Variants in CNOT2 observed in about 807,000 individuals in gnomAD.
CNOT2 encodes the protein CCR4-NOT transcription complex subunit 2.
CNOT2 carries 7 observed loss-of-function variants against 72.1 expected under a neutral mutation model. The ratio of observed to expected loss-of-function variants is 0.10; its 90% CI spans 0.06 to 0.18. The LOEUF is 0.18. Ranked by LOEUF, CNOT2 falls within the 10% of genes least tolerant of loss-of-function variation. CNOT2 has a pLI of 1.00. For missense variants in CNOT2, 345 were observed against 660.3 expected (o/e 0.52, Z 5.23); for synonymous variants, 196 against 225.6 (o/e 0.87, Z 1.17).
intron 2 of CNOT2, among the ~76,000 whole-genome samples, chr12:70,293,400 C>A (rs973375378): frequency 1.3e-5 from 2 of 152,176 alleles, no homozygotes; most frequent in African/African-American, 4.8e-5. Flanking sequence ...CTCAGGTGAT[C>A]TGCCCGCCTC....
chr12:70,274,199 C>G (rs1289723898), intron 1 of CNOT2, among the ~76,000 whole-genome samples: 1 of 151,832 alleles, frequency 6.6e-6, no homozygotes, highest in Non-Finnish European at 1.5e-5. Context: ...TTTAAAACAT[C>G]CATGTGATCA....
Position 70,342,340 on chromosome 12 carries a change from A to C in CNOT2, c.1290+33A>C, listed in dbSNP as rs755703977. The C allele has an allele frequency of 1.5e-5, 24 of 1,606,552 alleles. 1 individual carries two copies. The South Asian group carries it at 2.7e-4, about 18-fold the overall frequency. On this transcript the variant is annotated intron_variant, in intron 13 of 15. Coordinates refer to ENST00000229195, the MANE Select transcript of CNOT2 (RefSeq NM_014515.7). ...TAGTTTATTATTCTACTCAGTCAGCATGAATTTATCTATTTTTCACATGTT... is the reference window on the plus strand; with the variant it reads ...TAGTTTATTATTCTACTCAGTCAGCCTGAATTTATCTATTTTTCACATGTT...
rs977013810 is a variant in CNOT2 at position 70,342,768 on chromosome 12, C to T, written c.1290+461C>T. ...TATTAACAACAGATTACAGCTTAAT[C>T]TCTCTTTTTTCAATCTAAGAAAGAA... is the stretch of plus-strand genomic sequence containing the variant. On this transcript the variant is annotated intron_variant, in intron 13 of 15. Coordinates refer to ENST00000229195, the MANE Select transcript of CNOT2 (RefSeq NM_014515.7). Among the ~76,000 whole-genome samples the T allele has an allele frequency of 2.6e-5, 4 of 152,156 alleles. No individual in the cohort carries two copies. In the South Asian group the frequency reaches 8.3e-4, roughly 32 times the overall value.
At chr12:70,344,834 CTA>C (rs1881963294) in intron 14 of CNOT2, 1 of 152,168 alleles carries the variant, frequency 6.6e-6, no homozygotes, top group Non-Finnish European at 1.5e-5. Flanking sequence ...ATATTCATGA[CTA>C]TGTTTTTTAT....
chr12:70,329,180 A>G (rs1205649106), intron 4 of CNOT2, among the ~76,000 whole-genome samples: 2 of 152,020 alleles, frequency 1.3e-5, no homozygotes, highest in Non-Finnish European at 2.9e-5. Flanking sequence ...CATACTTCAT[A>G]ATGAAATTGA....
At position 70,311,115 on chromosome 12, in the gene CNOT2, G is replaced by T. The variant is rs780642158; in HGVS notation, c.171+98G>T. ...CAAGTGCAGAATACTGTCTGTGGTT[G>T]AGTGACAATCTTTTCAGCACAGTGC... is the stretch of plus-strand genomic sequence containing the variant. On this transcript the variant is annotated intron_variant, in intron 3 of 15. Transcript: ENST00000229195. The T allele has an allele frequency of 3.7e-6, 3 of 813,086 alleles. No individual in the cohort carries two copies. In the African/African-American group the frequency reaches 5.1e-5, roughly 14 times the overall value. The allele number at this position is 813,086 out of a possible 1,614,324, so 50.4% of individuals were successfully genotyped here.
intron 2 of CNOT2, among the ~76,000 whole-genome samples, chr12:70,298,544 A>G (rs1490240663): frequency 6.6e-6 from 1 of 152,198 alleles, no homozygotes; most frequent in Non-Finnish European, 1.5e-5. Flanking sequence ...CGTTATCTTG[A>G]TAATTACATA....
chr12:70,345,833 A>G, intron 14 of CNOT2: 1 of 172,820 alleles, frequency 5.8e-6, no homozygotes, highest in Non-Finnish European at 1.2e-5. Flanking sequence ...AAGAAGAGCA[A>G]GAAAGGAGTG....
At chr12:70,345,155 T>C (rs1392813877) in intron 14 of CNOT2, 1 of 152,216 alleles carries the variant, frequency 6.6e-6, no homozygotes, top group Non-Finnish European at 1.5e-5. Flanking sequence ...ATGTTTACTA[T>C]AGAGTAAACT....
At chr12:70,310,440 G>T (rs538586890) in intron 2 of CNOT2, among the ~76,000 whole-genome samples, 1 of 151,860 alleles carries the variant, frequency 6.6e-6, no homozygotes. Context: ...TTCAAAAAAC[G>T]GTATATTTCA....
intron 2 of CNOT2, among the ~76,000 whole-genome samples, chr12:70,304,781 A>G (rs1874902954): frequency 6.6e-6 from 1 of 152,226 alleles, no homozygotes; most frequent in Admixed American, 6.5e-5. Context: ...GGTGGAGCCT[A>G]CAGAGGCAGG....
chr12:70,335,380 A>G, intron 7 of CNOT2, 58 bp from the exon 8 acceptor site: 1 of 1,315,612 alleles, frequency 7.6e-7, no homozygotes, highest in Non-Finnish European at 1.1e-6. Flanking sequence ...GTTGGTTTTT[A>G]TAATCTCTTA....
At chr12:70,260,943 A>G (rs1005713773) in intron 1 of CNOT2, among the ~76,000 whole-genome samples, 8 of 150,418 alleles carry the variant, frequency 5.3e-5, no homozygotes, top group South Asian at 2.1e-4. Context: ...ACAACCTTGT[A>G]TTATCTCTGA....
At chr12:70,337,693 A>T in intron 9 of CNOT2, 180 bp downstream of exon 9, 8 of 699,194 alleles carry the variant, frequency 1.1e-5, no homozygotes, top group Admixed American at 9.5e-5. Context: ...TTTTTTTCCT[A>T]TTTCATATAG....
At chr12:70,268,299 C>G (rs990434478) in intron 1 of CNOT2, among the ~76,000 whole-genome samples, 3 of 152,138 alleles carry the variant, frequency 2.0e-5, no homozygotes, top group African/African-American at 7.2e-5. Context: ...CAACTGCCTT[C>G]TTTAGGTGGT....
chr12:70,326,764 A>G (rs895060257), intron 4 of CNOT2, among the ~76,000 whole-genome samples: 6 of 151,876 alleles, frequency 4.0e-5, no homozygotes, highest in African/African-American at 1.4e-4. Flanking sequence ...TTGAAGTGAT[A>G]TATTCTTTTT....
chr12:70,256,487 C>T (rs1958446241), intron 1 of CNOT2, among the ~76,000 whole-genome samples: 2 of 147,184 alleles, frequency 1.4e-5, no homozygotes, highest in Non-Finnish European at 3.0e-5. Context: ...TGTATTATTA[C>T]AGCATACCAA....
At chr12:70,295,851 A>G (rs1037282716) in intron 2 of CNOT2, among the ~76,000 whole-genome samples, 26 of 152,214 alleles carry the variant, frequency 1.7e-4, no homozygotes, top group African/African-American at 6.3e-4. Flanking sequence ...ATGTGAATCT[A>G]TATAAAGCAT....
chr12:70,249,931 G>A (rs1271666257), intron 1 of CNOT2, among the ~76,000 whole-genome samples: 1 of 151,958 alleles, frequency 6.6e-6, no homozygotes, highest in East Asian at 1.9e-4. Context: ...GAATGAACAT[G>A]TCTGGCCTGA....
Sources: allele counts gnomAD v4.1 joint callset (sites outside exome capture counted in the v4.1 genomes callset), GRCh38; gene constraint gnomAD v4.1.1; transcripts MANE v1.5; gene names NCBI Gene and HGNC (gene_info 2026-07-23, HGNC 2026-07-21).